The following INPP4B variants were observed in gnomAD, a reference collection of about 807,000 sequenced individuals.
INPP4B encodes the protein inositol polyphosphate 4-phosphatase type II.
Under a neutral mutation model 122.5 loss-of-function variants are expected in INPP4B, and 55 were observed. That is an observed-to-expected ratio of 0.45 (90% CI 0.36 to 0.56). INPP4B has a LOEUF of 0.56. Ranked by LOEUF, INPP4B falls within the 20% of genes least tolerant of loss-of-function variation. INPP4B has a pLI of 0.00. For synonymous variants in INPP4B, 403 were observed against 388.7 expected, an observed-to-expected ratio of 1.04 and a Z score of -0.43; for missense variants, 1,000 against 1,097.7, an observed-to-expected ratio of 0.91 and a Z score of 1.26.
chr4:142,031,024 A>C (rs1259165949), intron 25 of INPP4B, among the ~76,000 whole-genome samples: 3 of 152,188 alleles, frequency 2.0e-5, no homozygotes. Flanking sequence ...TACCACAGAA[A>C]ATAAAAGACT....
At chr4:142,704,003 A>C (rs775250660) in intron 2 of INPP4B, among the ~76,000 whole-genome samples, 2 of 152,086 alleles carry the variant, frequency 1.3e-5, no homozygotes, top group African/African-American at 2.4e-5. Context: ...ATGGGGTGGT[A>C]CCTCCCCAAA....
At chr4:142,382,206 C>T (rs1794358444) in intron 7 of INPP4B, among the ~76,000 whole-genome samples, 1 of 151,910 alleles carries the variant, frequency 6.6e-6, no homozygotes, top group South Asian at 2.1e-4. Context: ...GTATATTGTT[C>T]AATAATATTT....
At chr4:142,207,032 A>G (rs536549727) in intron 14 of INPP4B, among the ~76,000 whole-genome samples, 18 of 152,220 alleles carry the variant, frequency 1.2e-4, no homozygotes, top group Non-Finnish European at 2.2e-4. Flanking sequence ...GATTCCTCAT[A>G]TAAGTAATAT....
intron 1 of INPP4B, among the ~76,000 whole-genome samples, chr4:142,733,596 T>C (rs1580796850): frequency 6.6e-6 from 1 of 151,998 alleles, no homozygotes; most frequent in African/African-American, 2.4e-5. Context: ...AGCAGACAAA[T>C]GAGGCTGAAT....
intron 9 of INPP4B, among the ~76,000 whole-genome samples, chr4:142,274,313 G>C (rs1747347347): frequency 6.6e-6 from 1 of 151,834 alleles, no homozygotes; most frequent in African/African-American, 2.4e-5. Context: ...TATCACTTCA[G>C]TTCTCTGGAT....
chr4:142,488,807 A>G (rs1490775850), intron 2 of INPP4B, among the ~76,000 whole-genome samples: 1 of 151,672 alleles, frequency 6.6e-6, no homozygotes. Flanking sequence ...CTTCTGATTG[A>G]TCTTTTGAAA....
chr4:142,806,799 G>GAAAGAAAT (rs1778877127), intron 1 of INPP4B, among the ~76,000 whole-genome samples: 1 of 128,638 alleles, frequency 7.8e-6, no homozygotes. Flanking sequence ...AAGAAAGAAA[G>GAAAGAAAT]AAAGAAAGAA....
intron 7 of INPP4B, among the ~76,000 whole-genome samples, chr4:142,382,134 G>A (rs1221186225): frequency 1.3e-5 from 2 of 152,026 alleles, no homozygotes; most frequent in East Asian, 3.8e-4. Flanking sequence ...TTGAATTTGG[G>A]ACAGTTTCTA....
intron 7 of INPP4B, among the ~76,000 whole-genome samples, chr4:142,352,425 T>C (rs1782198062): frequency 6.6e-6 from 1 of 151,892 alleles, no homozygotes; most frequent in Admixed American, 6.6e-5. Flanking sequence ...AGTACAATTA[T>C]ATCTGTAGTA....
At chr4:142,436,756 A>C (rs190321960) in intron 3 of INPP4B, among the ~76,000 whole-genome samples, 1 of 152,158 alleles carries the variant, frequency 6.6e-6, no homozygotes, top group African/African-American at 2.4e-5. Context: ...TCCAAGTGTC[A>C]GCAGCCTCAA....
intron 9 of INPP4B, among the ~76,000 whole-genome samples, chr4:142,295,460 T>C (rs775049132): frequency 6.6e-6 from 1 of 152,170 alleles, no homozygotes; most frequent in Non-Finnish European, 1.5e-5. Flanking sequence ...AGAATATGCT[T>C]ATGGCAGAAA....
At chr4:142,295,084 G>C (rs1224194122) in intron 9 of INPP4B, among the ~76,000 whole-genome samples, 1 of 152,088 alleles carries the variant, frequency 6.6e-6, no homozygotes, top group Non-Finnish European at 1.5e-5. Context: ...CCTGAATGTA[G>C]GAAGGGTCTT....
chr4:142,763,958 T>G (rs1448394472), intron 1 of INPP4B, among the ~76,000 whole-genome samples: 1 of 152,138 alleles, frequency 6.6e-6, no homozygotes, highest in Non-Finnish European at 1.5e-5. Flanking sequence ...TGAGGCTGCC[T>G]AAAAGCTCAA....
At chr4:142,442,531 G>A (rs1274424247) in intron 3 of INPP4B, among the ~76,000 whole-genome samples, 9 of 151,934 alleles carry the variant, frequency 5.9e-5, no homozygotes, top group Non-Finnish European at 7.4e-5. Context: ...AACAAACCAC[G>A]GACTAGGAAA....
intron 2 of INPP4B, among the ~76,000 whole-genome samples, chr4:142,586,707 T>C (rs906520132): frequency 6.6e-6 from 1 of 152,120 alleles, no homozygotes; most frequent in African/African-American, 2.4e-5. Flanking sequence ...GATTAATATA[T>C]AATACTGAGA....
intron 16 of INPP4B, among the ~76,000 whole-genome samples, chr4:142,162,680 C>G (rs1820681500): frequency 6.6e-6 from 1 of 151,918 alleles, no homozygotes; most frequent in African/African-American, 2.4e-5. Flanking sequence ...TTCTTTCCCT[C>G]ACATGCACAT....
intron 7 of INPP4B, among the ~76,000 whole-genome samples, chr4:142,400,591 C>T (rs1451457792): frequency 1.3e-5 from 2 of 152,158 alleles, no homozygotes; most frequent in Non-Finnish European, 2.9e-5. Context: ...TACTGTGTTT[C>T]TATGTACACT....
intron 2 of INPP4B, among the ~76,000 whole-genome samples, chr4:142,491,748 C>T (rs1821909977): frequency 6.6e-6 from 1 of 152,078 alleles, no homozygotes; most frequent in Admixed American, 6.6e-5. Context: ...AAATGCTCAC[C>T]ATCACTAGTT....
intron 1 of INPP4B, among the ~76,000 whole-genome samples, chr4:142,771,474 A>G (rs1453801318): frequency 6.6e-6 from 1 of 152,162 alleles, no homozygotes; most frequent in Non-Finnish European, 1.5e-5. Context: ...GTAGTTCAGG[A>G]AAGAATATGG....
Sources: allele counts gnomAD v4.1 joint callset (sites outside exome capture counted in the v4.1 genomes callset), GRCh38; gene constraint gnomAD v4.1.1; transcripts MANE v1.5; gene names NCBI Gene and HGNC (gene_info 2026-07-23, HGNC 2026-07-21).